The following NHSL1 variants were observed in gnomAD, a reference collection of about 807,000 sequenced individuals.
NHSL1 encodes NHS like 1, also known as NHS-like protein 1.
A neutral mutation model predicts 95.0 loss-of-function variants in NHSL1; 48 were observed. The observed-to-expected ratio is 0.51, with a 90% confidence interval of 0.40 to 0.64. The LOEUF (loss-of-function observed/expected upper bound fraction) is 0.64. NHSL1 is among the 30% of genes least tolerant of loss of function. The pLI is 0.00. For missense variants in NHSL1, 1,971 were observed against 2,077.7 expected (o/e 0.95, Z 1.00); for synonymous variants, 783 against 833.9 (o/e 0.94, Z 1.05).
chr6:138,665,280 TCAA>T (rs748133038), intron 1 of NHSL1, among the ~76,000 whole-genome samples: 8 of 152,250 alleles, frequency 5.3e-5, no homozygotes, highest in Non-Finnish European at 7.3e-5. Flanking sequence ...TCAATCATCT[TCAA>T]CCACACAGAC....
chr6:138,433,272 C>G lies in NHSL1; in HGVS notation c.1073G>C (p.Arg358Thr). 2.6e-6 allele frequency: 4 copies of G among 1,551,632 alleles called. No individual in the cohort carries two copies. In the Middle Eastern group the frequency reaches 6.7e-4, roughly 259 times the overall value. The change falls in exon 6 of 8, where the codon AGA (arginine) becomes ACA (threonine). Residue 358 changes from arginine to threonine, a missense_variant. By Grantham distance (71) the Arg-to-Thr change is moderately conservative. This residue lies in a region of NHSL1 where 1,602 missense variants were observed against 1,654.5 expected (regional missense o/e 0.97). Coordinates refer to ENST00000343505, the MANE Select transcript of NHSL1 (RefSeq NM_001144060.2). ...GDMNGTFLYQRGHPQADENLG... is the reference protein window; with the variant it reads ...GDMNGTFLYQTGHPQADENLG... The stretch of plus-strand genomic sequence containing the variant: ...GTTTTCATCTGCTTGTGGGTGACCT[C>G]TCTGGTAGAGGAAAGTGCCATTCAT...
intron 1 of NHSL1, among the ~76,000 whole-genome samples, chr6:138,607,881 A>G (rs948404987): frequency 6.6e-6 from 1 of 152,246 alleles, no homozygotes; most frequent in Non-Finnish European, 1.5e-5. Flanking sequence ...GAGACTCCAA[A>G]GATAAGTGAC....
At chr6:138,601,769 G>A (rs1028561269) in intron 1 of NHSL1, among the ~76,000 whole-genome samples, 3 of 151,882 alleles carry the variant, frequency 2.0e-5, no homozygotes, top group African/African-American at 7.3e-5. Flanking sequence ...CCGAGATCAC[G>A]CCACTGGATT....
intron 2 of NHSL1, among the ~76,000 whole-genome samples, chr6:138,486,818 T>C (rs1272212995): frequency 6.6e-6 from 1 of 152,104 alleles, no homozygotes; most frequent in Admixed American, 6.5e-5. Context: ...TACTGTCAAG[T>C]AGGGAGATAA....
At position 138,678,587 on chromosome 6, in the gene NHSL1, T is replaced by C. The variant is rs143459928; in HGVS notation, c.96+13889A>G. ...TCACAAAAATTAAAACATAAAATTA[T>C]GCAGATGAAGTATTTAAACACATTA... On this transcript the variant is annotated intron_variant, in intron 1 of 3. Transcript: ENST00000491526. Among the ~76,000 whole-genome samples, 1,142 of 152,342 alleles carry C rather than the reference T, an allele frequency of 7.5e-3. 11 individuals carry two copies. The highest frequency in any genetic ancestry group is 0.012 in the South Asian group (58 of 4,830).
chr6:138,470,831 TC>T (rs1165578432), intron 3 of NHSL1, among the ~76,000 whole-genome samples: 1 of 151,994 alleles, frequency 6.6e-6, no homozygotes, highest in East Asian at 1.9e-4. Context: ...ACGCTGTGGG[TC>T]CCAAGGAGAC....
intron 1 of NHSL1, among the ~76,000 whole-genome samples, chr6:138,511,048 G>GA (rs1344410495): frequency 2.0e-5 from 3 of 152,094 alleles, no homozygotes; most frequent in African/African-American, 7.2e-5. Context: ...CAGAATCTGA[G>GA]AAAAAAATCA....
chr6:138,430,698 G>A lies in NHSL1; in HGVS notation c.3647C>T (p.Pro1216Leu). 1 of 1,551,740 alleles carries A rather than the reference G, an allele frequency of 6.4e-7. No individual in the cohort carries two copies. The highest frequency in any genetic ancestry group is 8.7e-7 in the Non-Finnish European group (1 of 1,147,010). ...GAGGGCTTCGCTCACGTTCTCTGCG[G>A]GCTCCACTGCAAAATCTTTCTGCGG... ...PPPQKDFAVE[P>L]AENVSEALRA... The change falls in exon 6 of 8, where the codon CCC becomes CTC. Residue 1216 changes from proline to leucine, a missense_variant. Physicochemically the swap from Pro to Leu is moderately conservative, Grantham distance 98. Around this residue, in one of 3 missense-constraint regions of NHSL1, gnomAD observed 1,602 missense variants for 1,654.5 expected, o/e 0.97. Coordinates refer to ENST00000343505, the MANE Select transcript of NHSL1 (RefSeq NM_001144060.2). The surrounding 1 kb of genome is among the most constrained non-coding windows in gnomAD (Gnocchi z 4.7).
upstream of NHSL1, among the ~76,000 whole-genome samples, chr6:138,500,842 C>G (rs752618948): frequency 4.0e-4 from 60 of 151,686 alleles, no homozygotes; most frequent in Admixed American, 3.4e-4. Flanking sequence ...ACGTTACCAT[C>G]TTATCATACA....
At chr6:138,498,357 T>A (rs2128288078) in intron 1 of NHSL1, among the ~76,000 whole-genome samples, 1 of 152,270 alleles carries the variant, frequency 6.6e-6, no homozygotes, top group South Asian at 2.1e-4. Context: ...TCTCTTCCCC[T>A]CGTGTTCCTC....
upstream of NHSL1, among the ~76,000 whole-genome samples, chr6:138,577,403 G>T (rs1386512587): frequency 6.6e-6 from 1 of 152,188 alleles, no homozygotes; most frequent in Non-Finnish European, 1.5e-5. Context: ...GTCAAACCTA[G>T]CAAAGAGAAC....
At chr6:138,518,658 C>T (rs528518134) in intron 1 of NHSL1, among the ~76,000 whole-genome samples, 4 of 152,190 alleles carry the variant, frequency 2.6e-5, no homozygotes, top group East Asian at 3.9e-4. Flanking sequence ...CTACATACTA[C>T]GTTCTAATGG....
intron 1 of NHSL1, among the ~76,000 whole-genome samples, chr6:138,526,093 CAAA>C (rs10681744): frequency 3.6e-5 from 4 of 109,862 alleles, no homozygotes; most frequent in African/African-American, 3.3e-5. Flanking sequence ...ACTCTGTCTC[CAAA>C]AAAAAAAAAA....
At chr6:138,450,822 G>A (rs1297315235) in intron 3 of NHSL1, among the ~76,000 whole-genome samples, 1 of 152,098 alleles carries the variant, frequency 6.6e-6, no homozygotes, top group Non-Finnish European at 1.5e-5. Context: ...ACAATGATAT[G>A]ACTTTCATGC....
rs533432430 is a variant in NHSL1 at position 138,588,242 on chromosome 6, C to G, written c.97-91871G>C. 2.6e-5 allele frequency among the ~76,000 whole-genome samples: 4 copies of G among 152,338 alleles called. No homozygotes were observed. In the East Asian group the frequency reaches 7.7e-4, roughly 29 times the overall value. On this transcript the variant is annotated intron_variant, in intron 1 of 3. Coordinates refer to the NHSL1 transcript ENST00000491526. Reference sequence around the variant, plus strand: ...CTTTGGGAAGCCCAGGCGGGCAGATCACTTGAGGTCAAGAGTTCAAGACCA... The same window carrying G: ...CTTTGGGAAGCCCAGGCGGGCAGATGACTTGAGGTCAAGAGTTCAAGACCA...
intron 1 of NHSL1, among the ~76,000 whole-genome samples, chr6:138,529,441 T>C (rs971363025): frequency 2.0e-5 from 3 of 152,228 alleles, no homozygotes; most frequent in Admixed American, 6.5e-5. Context: ...ATGAGAGCCA[T>C]GTTATGATGA....
At chr6:138,599,853 C>G (rs1190022732) in intron 1 of NHSL1, among the ~76,000 whole-genome samples, 1 of 152,038 alleles carries the variant, frequency 6.6e-6, no homozygotes, top group Non-Finnish European at 1.5e-5. Context: ...TAAAATGAAG[C>G]AGGCCGGGCA....
At chr6:138,522,739 C>T (rs1321293559) in intron 1 of NHSL1, among the ~76,000 whole-genome samples, 2 of 151,790 alleles carry the variant, frequency 1.3e-5, no homozygotes, top group African/African-American at 4.8e-5. Context: ...TGGGCCCAGG[C>T]GGCTGAGGCT....
chr6:138,579,225 G>A (rs1784017088), intron 1 of NHSL1, among the ~76,000 whole-genome samples: 1 of 152,190 alleles, frequency 6.6e-6, no homozygotes, highest in East Asian at 1.9e-4. Flanking sequence ...GGGGTTTGGG[G>A]ACCCCTGCCT....
Sources: allele counts gnomAD v4.1 joint callset (sites outside exome capture counted in the v4.1 genomes callset), GRCh38; gene constraint gnomAD v4.1.1; regional missense constraint gnomAD v4.1.1; non-coding constraint Gnocchi (gnomAD v3.1); transcripts MANE v1.5; gene names NCBI Gene and HGNC (gene_info 2026-07-23, HGNC 2026-07-21).